The following ITSN2 variants were observed in gnomAD, a reference collection of about 807,000 sequenced individuals.
ITSN2 encodes the protein intersectin 2.
A neutral mutation model predicts 243.7 loss-of-function variants in ITSN2; 156 were observed. The observed-to-expected ratio is 0.64, with a 90% CI of 0.56 to 0.73. The LOEUF is 0.73. Among genes scored for constraint, ITSN2 ranks in the 30% least tolerant of loss-of-function variants. ITSN2 has a pLI of 0.00. For missense variants in ITSN2, 1,801 were observed against 1,996.1 expected (o/e 0.90, Z 1.86); for synonymous variants, 703 against 699.9 (o/e 1.00, Z -0.07).
chr2:24,253,868 T>G (rs1558495628), intron 24 of ITSN2, among the ~76,000 whole-genome samples: 1 of 152,186 alleles, frequency 6.6e-6, no homozygotes, highest in Non-Finnish European at 1.5e-5. Flanking sequence ...CCTCTGAAAT[T>G]AGGGTAATCT....
chr2:24,322,561 C>A (rs1428858991), intron 2 of ITSN2, among the ~76,000 whole-genome samples: 1 of 152,112 alleles, frequency 6.6e-6, no homozygotes. Flanking sequence ...AGAACCTCAA[C>A]CTTCCAGCAT....
At chr2:24,356,581 A>C (rs1688470923) in intron 1 of ITSN2, among the ~76,000 whole-genome samples, 1 of 152,136 alleles carries the variant, frequency 6.6e-6, no homozygotes, top group Admixed American at 6.5e-5. Flanking sequence ...ACATGAAAAA[A>C]GGCTCAACAT....
At chr2:24,272,672 G>C (rs1191498511) in intron 18 of ITSN2, among the ~76,000 whole-genome samples, 4 of 152,124 alleles carry the variant, frequency 2.6e-5, no homozygotes, top group African/African-American at 9.7e-5. Flanking sequence ...CTGGCCTCAA[G>C]TAATCTTCCC....
rs1681522575 is a variant in ITSN2, at chr2:24,300,067, T to C, written c.1186A>G (p.Lys396Glu). 2 of 1,614,086 alleles carry C rather than the reference T, an allele frequency of 1.2e-6. No homozygotes were observed. The highest frequency in any genetic ancestry group is 1.7e-5 in the Admixed American group (1 of 60,000). Residue 396 changes from lysine (K) to glutamate (E), a missense_variant, in exon 12 of 40, where the codon AAA (lysine) becomes GAA (glutamate). Coordinates refer to ENST00000355123, the MANE Select transcript of ITSN2 (RefSeq NM_006277.3). Reference sequence around the variant, plus strand: ...CACTCTTCCTTTTCTTTCTGGGCTTTACGTTCTGCCTCCCTTTGTTGCTGC... The same window carrying C: ...CACTCTTCCTTTTCTTTCTGGGCTTCACGTTCTGCCTCCCTTTGTTGCTGC... ...MEQQQREAER[K>E]AQKEKEEWER...
At chr2:24,273,605 T>G (rs1255867040) in intron 18 of ITSN2, 1 of 152,218 alleles carries the variant, frequency 6.6e-6, no homozygotes, top group Non-Finnish European at 1.5e-5. Context: ...CAGGTAATCA[T>G]GGCCACATAA....
chr2:24,236,673 C>CT (rs35381391), intron 29 of ITSN2, among the ~76,000 whole-genome samples: 131,760 of 137,838 alleles, frequency 0.96, 62,980 homozygotes, highest in East Asian at 0.98. Flanking sequence ...GTTTTTTTTT[C>CT]TTTTTTTTTT....
rs3731627 is a variant in ITSN2, at chr2:24,204,963, A to G, written c.4762+251T>C. 0.045 allele frequency: 17,464 copies of G among 386,738 alleles called. 942 individuals carry two copies. Among genetic ancestry groups the G allele is most frequent in the East Asian group, 0.21 (3,255 of 15,748 alleles). 24.0% of individuals were successfully genotyped at this position (386,738 alleles called of 1,614,324 possible). A position where few individuals can be genotyped will look rare whatever the true frequency, so the allele number is the denominator to read the frequency against. ...GGAGTTCGAGACCAGCCTGGCCAAC[A>G]TGGTGAAACCCTGTGTCTACTAAAA... On this transcript the variant is annotated intron_variant, in intron 38 of 39. Transcript: ENST00000355123. This position sits in a 1 kb window ranked among gnomAD's most constrained non-coding sequence, Gnocchi z 5.1.
chr2:24,345,935 T>C (rs1259270046), intron 1 of ITSN2, among the ~76,000 whole-genome samples: 2 of 152,214 alleles, frequency 1.3e-5, no homozygotes, highest in African/African-American at 2.4e-5. Context: ...TATTTTATTC[T>C]AGTACCTCTA....
intron 20 of ITSN2, among the ~76,000 whole-genome samples, chr2:24,270,369 T>TA (rs765778823): frequency 1.3e-5 from 2 of 152,224 alleles, no homozygotes; most frequent in Non-Finnish European, 2.9e-5. Context: ...AGTTGCTGTA[T>TA]GGCATAGCAG....
At chr2:24,342,539 C>T (rs552945057) in intron 1 of ITSN2, among the ~76,000 whole-genome samples, 1 of 148,232 alleles carries the variant, frequency 6.7e-6, no homozygotes, top group Non-Finnish European at 1.5e-5. Context: ...TCCTTGATCT[C>T]GTAGGCCCTC....
At chr2:24,284,695 A>T in intron 17 of ITSN2, 68 bp downstream of exon 17, 2 of 880,160 alleles carry the variant, frequency 2.3e-6, no homozygotes, top group Non-Finnish European at 3.8e-6. Flanking sequence ...GGCAAAGAAT[A>T]GTCTAGTTTT....
chr2:24,295,542 C>G (rs1680844370), intron 14 of ITSN2, 122 bp downstream of exon 14: 2 of 658,094 alleles, frequency 3.0e-6, no homozygotes. Flanking sequence ...CTCCTGACCT[C>G]AGGGGATCCA....
intron 2 of ITSN2, among the ~76,000 whole-genome samples, chr2:24,320,507 C>T (rs1253025595): frequency 8.4e-6 from 1 of 118,420 alleles, no homozygotes; most frequent in Non-Finnish European, 1.6e-5. Context: ...GCCTGGGCGA[C>T]AGAGCGAGAC....
intron 20 of ITSN2, among the ~76,000 whole-genome samples, chr2:24,269,147 CATCCTCA>C (rs1558524028): frequency 6.6e-6 from 1 of 151,704 alleles, no homozygotes; most frequent in African/African-American, 2.4e-5. Flanking sequence ...TCAGGAACTG[CATCCTCA>C]ATCCTCTTCT....
At position 24,258,470 on chromosome 2, in the gene ITSN2, G is replaced by A. The variant is rs1455071774; in HGVS notation, c.2683-377C>T. Among the ~76,000 whole-genome samples the A allele has an allele frequency of 2.6e-5, 4 of 152,226 alleles. No homozygotes were observed. The East Asian group carries it at 5.8e-4, about 22-fold the overall frequency. On this transcript the variant is annotated intron_variant, in intron 22 of 39. Coordinates refer to ENST00000355123, the MANE Select transcript of ITSN2 (RefSeq NM_006277.3). ...CAATGTAATTCTGTTTACTCCACTA[G>A]GGAAGGAAATTGGCATGCTTGGCTC...
At chr2:24,344,980 C>T (rs746118993) in intron 1 of ITSN2, among the ~76,000 whole-genome samples, 4 of 151,940 alleles carry the variant, frequency 2.6e-5, no homozygotes, top group African/African-American at 4.8e-5. Context: ...TAAAAATAAA[C>T]GGGTAAAATC....
chr2:24,293,895 G>A, intron 14 of ITSN2, 120 bp from the exon 15 acceptor site: 6 of 406,956 alleles, frequency 1.5e-5, no homozygotes, highest in Admixed American at 4.6e-5. Context: ...ATAATACATA[G>A]TTGTAAACTG....
chr2:24,269,729 AT>A (rs1303446950), intron 20 of ITSN2, among the ~76,000 whole-genome samples: 2 of 152,234 alleles, frequency 1.3e-5, no homozygotes, highest in South Asian at 2.1e-4. Context: ...CCCTCAAAAA[AT>A]ATTTGTTGAA....
intron 15 of ITSN2, 35 bp downstream of exon 15, chr2:24,293,653 G>C: frequency 1.4e-6 from 1 of 728,978 alleles, no homozygotes; most frequent in Non-Finnish European, 2.3e-6. Flanking sequence ...ATTCAGAAAA[G>C]GATAAAAGTA....
Sources: allele counts gnomAD v4.1 joint callset (sites outside exome capture counted in the v4.1 genomes callset), GRCh38; gene constraint gnomAD v4.1.1; non-coding constraint Gnocchi (gnomAD v3.1); transcripts MANE v1.5; gene names NCBI Gene and HGNC (gene_info 2026-07-23, HGNC 2026-07-21).